Variants in CEMIP observed in about 807,000 individuals in gnomAD.
CEMIP encodes cell migration-inducing and hyaluronan-binding protein.
In CEMIP, 105 loss-of-function variants were observed where a neutral mutation model predicts 156.9. The ratio of observed to expected loss-of-function variants is 0.67; its 90% CI spans 0.57 to 0.79. The LOEUF (loss-of-function observed/expected upper bound fraction) is 0.79. Among genes scored for constraint, CEMIP ranks in the 30% least tolerant of loss-of-function variants. The probability of loss-of-function intolerance (pLI) is 0.00; values close to 1 mark genes in which losing one functional copy is unlikely to be tolerated. For synonymous variants in CEMIP, 676 were observed against 668.4 expected, an observed-to-expected ratio of 1.01 and a Z score of -0.17; for missense variants, 1,457 against 1,769.4, an observed-to-expected ratio of 0.82 and a Z score of 3.17.
intron 10 of CEMIP, among the ~76,000 whole-genome samples, chr15:80,889,858 C>T (rs574949495): frequency 1.1e-3 from 161 of 152,296 alleles, no homozygotes; most frequent in Admixed American, 2.1e-3. Flanking sequence ...GAGTGTGCCC[C>T]CACCACAGGG....
chr15:80,842,795 G>A (rs973429219), intron 1 of CEMIP, among the ~76,000 whole-genome samples: 2 of 152,142 alleles, frequency 1.3e-5, no homozygotes, highest in African/African-American at 4.8e-5. Flanking sequence ...AAGACATCTG[G>A]GAGATCTTAG....
chr15:80,917,099 C>A (rs1228255263), intron 14 of CEMIP, among the ~76,000 whole-genome samples: 1 of 152,170 alleles, frequency 6.6e-6, no homozygotes, highest in Non-Finnish European at 1.5e-5. Context: ...CATTTGGTAT[C>A]CAATAAACAG....
In CEMIP at chr15:80,889,628, G is replaced by T. The variant is rs537518012; in HGVS notation, c.1086+36G>T. 6 of 1,611,468 alleles carry T rather than the reference G, an allele frequency of 3.7e-6. No homozygotes were observed. The South Asian group carries it at 6.6e-5, about 18-fold the overall frequency. On this transcript the variant is annotated intron_variant, in intron 10 of 29. Coordinates refer to ENST00000394685, the MANE Select transcript of CEMIP (RefSeq NM_001293298.2). ...CACAGCAAAAATAGAAAATAGAAAT[G>T]TGTTGTTTTGAAGAAGACTCTATAG... is the stretch of plus-strand genomic sequence containing the variant.
At chr15:80,811,064 G>A (rs1259634560) in intron 1 of CEMIP, among the ~76,000 whole-genome samples, 4 of 152,126 alleles carry the variant, frequency 2.6e-5, no homozygotes, top group African/African-American at 9.7e-5. Context: ...CCTTGTAGTA[G>A]ACACCAGGAT....
chr15:80,781,176 G>A (rs1332226932), intron 1 of CEMIP, among the ~76,000 whole-genome samples: 2 of 152,188 alleles, frequency 1.3e-5, no homozygotes, highest in Non-Finnish European at 2.9e-5. Context: ...TCTGTGTAGG[G>A]CACAAGTTCA....
At chr15:80,812,562 T>TA (rs1896696344) in intron 1 of CEMIP, among the ~76,000 whole-genome samples, 1 of 152,204 alleles carries the variant, frequency 6.6e-6, no homozygotes, top group South Asian at 2.1e-4. Flanking sequence ...TCAAGCGTAG[T>TA]AACACACTCA....
At chr15:80,943,984 A>C (rs1236694019) in intron 28 of CEMIP, among the ~76,000 whole-genome samples, 1 of 152,140 alleles carries the variant, frequency 6.6e-6, no homozygotes, top group Admixed American at 6.5e-5. Flanking sequence ...GATCCAACCC[A>C]AAAGTTCTAC....
intron 14 of CEMIP, among the ~76,000 whole-genome samples, chr15:80,914,699 AATTCTTG>A (rs1900198595): frequency 6.6e-6 from 1 of 152,172 alleles, no homozygotes; most frequent in South Asian, 2.1e-4. Flanking sequence ...TCACATTCTC[AATTCTTG>A]ATTCATGTAG....
At chr15:80,904,849 T>C (rs1014170182) in intron 12 of CEMIP, among the ~76,000 whole-genome samples, 2 of 152,176 alleles carry the variant, frequency 1.3e-5, no homozygotes, top group Non-Finnish European at 2.9e-5. Context: ...ATTTATGTTG[T>C]TTTAAGCCCC....
chr15:80,887,761 C>A lies in CEMIP; in HGVS notation c.865C>A (p.His289Asn). ...TTCAGTGGAAGACCATATTGAATAT[C>A]ATGGTAATACATAGCTGGCTGGAGG... ...SSSVEDHIEY[H>N]GHRGSAAARV... Residue 289 changes from histidine (H) to asparagine (N), a missense_variant, in exon 8 of 30, where the codon CAT (histidine) becomes AAT (asparagine). His to Asn is a moderately conservative substitution (Grantham distance 68). This residue lies in a region of CEMIP where 17 missense variants were observed against 43.7 expected (regional missense o/e 0.39). Coordinates refer to ENST00000394685, the MANE Select transcript of CEMIP (RefSeq NM_001293298.2). The A allele has an allele frequency of 1.2e-6, 2 of 1,610,204 alleles. No homozygotes were observed. The highest frequency in any genetic ancestry group is 2.7e-5 in the African/African-American group (2 of 74,978).
chr15:80,910,257 A>G (rs1198088324), intron 14 of CEMIP, among the ~76,000 whole-genome samples: 2 of 152,238 alleles, frequency 1.3e-5, no homozygotes, highest in South Asian at 2.1e-4. Flanking sequence ...GCCTCCCTGC[A>G]TGGCAACAAT....
intron 1 of CEMIP, among the ~76,000 whole-genome samples, chr15:80,836,446 T>C (rs960004655): frequency 1.3e-5 from 2 of 152,250 alleles, no homozygotes; most frequent in African/African-American, 4.8e-5. Flanking sequence ...TTGTACCAAA[T>C]GCATTCATGA....
intron 1 of CEMIP, among the ~76,000 whole-genome samples, chr15:80,785,826 A>C (rs753735185): frequency 2.0e-5 from 3 of 152,084 alleles, no homozygotes; most frequent in Non-Finnish European, 4.4e-5. Context: ...AAGCTCCCTC[A>C]CCTGTCCAGG....
intron 13 of CEMIP, among the ~76,000 whole-genome samples, chr15:80,908,457 G>A (rs1295558503): frequency 6.6e-6 from 1 of 152,168 alleles, no homozygotes; most frequent in Non-Finnish European, 1.5e-5. Context: ...TTCAGACTGT[G>A]TTTTCATGGT....
intron 12 of CEMIP, chr15:80,897,252 A>G (rs1353610723): frequency 2.2e-6 from 1 of 456,050 alleles, no homozygotes; most frequent in Non-Finnish European, 4.4e-6. Flanking sequence ...CAATATACTC[A>G]CCATATCTAT....
intron 1 of CEMIP, among the ~76,000 whole-genome samples, chr15:80,858,023 C>T (rs758997429): frequency 6.6e-6 from 1 of 152,060 alleles, no homozygotes; most frequent in Admixed American, 6.5e-5. Context: ...GCCCATGTTG[C>T]ATGGGTGGAG....
At chr15:80,843,417 C>T (rs1205772068) in intron 1 of CEMIP, among the ~76,000 whole-genome samples, 1 of 152,238 alleles carries the variant, frequency 6.6e-6, no homozygotes, top group Non-Finnish European at 1.5e-5. Context: ...AGCTCCTGTT[C>T]TACTGCGCAC....
At chr15:80,925,799 C>A in intron 19 of CEMIP, 44 bp downstream of exon 19, 1 of 1,598,360 alleles carries the variant, frequency 6.3e-7, no homozygotes, top group Non-Finnish European at 8.5e-7. Flanking sequence ...GGGGGCATGG[C>A]GCGTCTTCCC....
chr15:80,834,744 TG>T (rs1210925252), intron 1 of CEMIP, among the ~76,000 whole-genome samples: 9 of 152,238 alleles, frequency 5.9e-5, no homozygotes, highest in African/African-American at 1.9e-4. Context: ...TTACTGTTCT[TG>T]GCCCTTAGCA....
Sources: gnomAD v4.1 joint callset for allele counts (sites outside exome capture counted in the v4.1 genomes callset) on GRCh38, gnomAD v4.1.1 for gene constraint, gnomAD v4.1.1 regional missense constraint, MANE v1.5 for transcripts, NCBI Gene and HGNC (gene_info 2026-07-23, HGNC 2026-07-21) for gene names.